Variants in FGF13 observed in about 807,000 individuals in gnomAD.
FGF13 encodes fibroblast growth factor homologous factor 2.
In FGF13, 2 loss-of-function variants were observed where a neutral mutation model predicts 19.5. The ratio of observed to expected loss-of-function variants is 0.10; its 90% CI spans 0.04 to 0.32. FGF13 has a LOEUF of 0.32. Ranked by LOEUF, FGF13 falls within the 10% of genes least tolerant of loss-of-function variation. The pLI is 1.00. For synonymous variants in FGF13, 72 were observed against 76.9 expected (o/e 0.94, Z 0.33); for missense variants, 113 against 192.7 (o/e 0.59, Z 2.45).
At chrX:139,021,098 A>C (rs5974788) in intron 1 of FGF13, among the ~76,000 whole-genome samples, 1,812 of 111,190 alleles carry the variant, frequency 0.016, 40 homozygotes, top group African/African-American at 0.055. Flanking sequence ...AGAAGCATCT[A>C]AGACGTTCTC....
intron 1 of FGF13, among the ~76,000 whole-genome samples, chrX:138,991,969 T>C (rs1243600893): frequency 8.9e-6 from 1 of 112,140 alleles, no homozygotes; most frequent in Non-Finnish European, 1.9e-5. Context: ...TATGTTGTCA[T>C]ATTTTTAAAT....
intron 3 of FGF13, among the ~76,000 whole-genome samples, chrX:138,846,224 T>TGTGTGTGTG (rs2091182217): frequency 9.2e-6 from 1 of 108,662 alleles, no homozygotes; most frequent in East Asian, 2.9e-4. Context: ...TGTGTGTGTA[T>TGTGTGTGTG]TCAAACCCTC....
chrX:138,909,460 T>C (rs1363293218), intron 1 of FGF13, among the ~76,000 whole-genome samples: 1 of 112,300 alleles, frequency 8.9e-6, no homozygotes, highest in Non-Finnish European at 1.9e-5. Context: ...TTTGGTTTTA[T>C]GGTCTCAGTT....
chrX:138,984,979 A>G (rs1433399463), intron 1 of FGF13: 3 of 341,845 alleles, frequency 8.8e-6, no homozygotes, highest in Non-Finnish European at 1.8e-5. Context: ...TTGGGGGAAT[A>G]TTAATGACAT....
chrX:138,758,828 G>A (rs180905026), intron 3 of FGF13, among the ~76,000 whole-genome samples: 106 of 112,219 alleles, frequency 9.4e-4, no homozygotes, highest in African/African-American at 3.2e-3. Context: ...TTAAATAACA[G>A]CTCCACAATC....
chrX:139,185,875 T>A, intron 1 of FGF13, among the ~76,000 whole-genome samples: 1 of 111,852 alleles, frequency 8.9e-6, no homozygotes, highest in Non-Finnish European at 1.9e-5. Context: ...TTGCACTAAA[T>A]AAAGGCAAGA....
intron 3 of FGF13, among the ~76,000 whole-genome samples, chrX:138,756,288 C>T (rs150983215): frequency 0.013 from 1,511 of 112,419 alleles, 25 homozygotes; most frequent in African/African-American, 0.046. Flanking sequence ...TCAAGGATTC[C>T]AGAAGCCCTG....
intron 2 of FGF13, among the ~76,000 whole-genome samples, chrX:138,862,757 A>G (rs1468241051): frequency 8.9e-6 from 1 of 112,245 alleles, no homozygotes; most frequent in Non-Finnish European, 1.9e-5. Context: ...AATTCACTGA[A>G]TGGAACAGAT....
intron 3 of FGF13, among the ~76,000 whole-genome samples, chrX:138,770,457 C>G (rs761584691): frequency 1.8e-5 from 2 of 110,860 alleles, no homozygotes; most frequent in Non-Finnish European, 3.8e-5. Context: ...CCTTCCACCC[C>G]CTCTTGACTC....
intron 1 of FGF13, among the ~76,000 whole-genome samples, chrX:138,921,693 T>G (rs1603033072): frequency 9.0e-6 from 1 of 111,311 alleles, no homozygotes; most frequent in East Asian, 2.8e-4. Context: ...GCAGCTTGAT[T>G]GCTATCCTGC....
At chrX:139,044,285 A>T (rs1348896876) in intron 1 of FGF13, among the ~76,000 whole-genome samples, 1 of 111,626 alleles carries the variant, frequency 9.0e-6, no homozygotes, top group Non-Finnish European at 1.9e-5. Flanking sequence ...GTTTCTAGGG[A>T]AGACTCAGGA....
intron 3 of FGF13, among the ~76,000 whole-genome samples, chrX:138,821,632 A>G (rs1355826755): frequency 8.9e-6 from 1 of 112,268 alleles, no homozygotes; most frequent in African/African-American, 3.2e-5. Context: ...TGGGTTAAAT[A>G]AGATACATGA....
chrX:138,768,994 G>A (rs938875587), intron 3 of FGF13, among the ~76,000 whole-genome samples: 1 of 109,702 alleles, frequency 9.1e-6, no homozygotes, highest in African/African-American at 3.3e-5. Context: ...TATGCTGTGA[G>A]TAGTTAATAT....
chrX:138,931,256 T>G (rs966482119), intron 1 of FGF13, among the ~76,000 whole-genome samples: 2 of 111,109 alleles, frequency 1.8e-5, no homozygotes, highest in Non-Finnish European at 3.8e-5. Flanking sequence ...AAGGGCTGTT[T>G]TTTTTTTTTA....
chrX:139,118,574 T>TG (rs1314392883), intron 1 of FGF13, among the ~76,000 whole-genome samples: 2 of 111,751 alleles, frequency 1.8e-5, no homozygotes, highest in Non-Finnish European at 3.8e-5. Flanking sequence ...TTCTACTCAA[T>TG]GGTTTATAGG....
chrX:139,204,096 C>A (rs769419401), upstream of FGF13: 4 of 1,210,900 alleles, frequency 3.3e-6, no homozygotes, highest in South Asian at 7.0e-5. Context: ...GCTTGGTCAC[C>A]TTTCCACTCA....
At chrX:139,039,178 T>C (rs1055561771) in intron 1 of FGF13, among the ~76,000 whole-genome samples, 2 of 112,253 alleles carry the variant, frequency 1.8e-5, no homozygotes, top group African/African-American at 6.5e-5. Flanking sequence ...TTCTTTCATT[T>C]TAATGTTCAT....
intron 1 of FGF13, among the ~76,000 whole-genome samples, chrX:138,999,741 G>T (rs1057429547): frequency 9.0e-6 from 1 of 111,571 alleles, no homozygotes. Flanking sequence ...ATTCACAACC[G>T]AATTCCACCA....
chrX:138,817,767 C>A (rs1190853064), intron 3 of FGF13, among the ~76,000 whole-genome samples: 2 of 112,061 alleles, frequency 1.8e-5, no homozygotes, highest in Non-Finnish European at 3.8e-5. Flanking sequence ...ACTTAGGTCA[C>A]TGGATTGAAG....
Sources: gnomAD v4.1 joint callset for allele counts (sites outside exome capture counted in the v4.1 genomes callset) on GRCh38, gnomAD v4.1.1 for gene constraint, MANE v1.5 for transcripts, NCBI Gene and HGNC (gene_info 2026-07-23, HGNC 2026-07-21) for gene names.